The following SRPK2 variants were observed in gnomAD, a reference collection of about 807,000 sequenced individuals.
SRPK2 encodes the protein SFRS protein kinase 2.
A neutral mutation model predicts 90.8 loss-of-function variants in SRPK2; 21 were observed. The observed-to-expected ratio is 0.23, with a 90% CI of 0.16 to 0.33. SRPK2 has a LOEUF of 0.33. Ranked by LOEUF, SRPK2 falls within the 10% of genes least tolerant of loss-of-function variation. The probability of loss-of-function intolerance (pLI) is 1.00; values close to 1 mark genes in which losing one functional copy is unlikely to be tolerated. For synonymous variants in SRPK2, 288 were observed against 311.1 expected (o/e 0.93, Z 0.78); for missense variants, 620 against 869.0 (o/e 0.71, Z 3.60).
chr7:105,161,612 C>T (rs1807672662), intron 6 of SRPK2, among the ~76,000 whole-genome samples: 3 of 152,150 alleles, frequency 2.0e-5, no homozygotes, highest in South Asian at 4.1e-4. Flanking sequence ...TGGAAATCAG[C>T]CTGATGAAAC....
chr7:105,338,302 C>A (rs1028611619), intron 2 of SRPK2, among the ~76,000 whole-genome samples: 2 of 152,258 alleles, frequency 1.3e-5, no homozygotes, highest in Middle Eastern at 3.4e-3. Context: ...GTAGCATGAT[C>A]TCCGCTCACT....
At chr7:105,312,486 A>T (rs1811832509) in intron 2 of SRPK2, among the ~76,000 whole-genome samples, 1 of 151,952 alleles carries the variant, frequency 6.6e-6, no homozygotes, top group African/African-American at 2.4e-5. Flanking sequence ...TGAAAACATT[A>T]TACTATGTAA....
chr7:105,329,683 A>G (rs1311898163), intron 2 of SRPK2, among the ~76,000 whole-genome samples: 2 of 152,148 alleles, frequency 1.3e-5, no homozygotes, highest in African/African-American at 4.8e-5. Context: ...CACCCAATTC[A>G]GCATTTTTCC....
At chr7:105,126,132 C>T in intron 15 of SRPK2, 116 bp downstream of exon 15, 1 of 884,126 alleles carries the variant, frequency 1.1e-6, no homozygotes, top group East Asian at 2.5e-5. Context: ...AGGAATTCTG[C>T]TGGGTTGCGT....
At chr7:105,121,252 C>T (rs1348730145) in intron 15 of SRPK2, among the ~76,000 whole-genome samples, 1 of 150,942 alleles carries the variant, frequency 6.6e-6, no homozygotes, top group African/African-American at 2.4e-5. Context: ...GGCTGAGGCA[C>T]AAAAATCGTT....
At chr7:105,168,745 A>ATGTGTGTGTGTGTGTG (rs58073613) in intron 4 of SRPK2, among the ~76,000 whole-genome samples, 5,701 of 103,992 alleles carry the variant, frequency 0.055, 368 homozygotes, top group Admixed American at 0.077. Context: ...CACGCACCAA[A>ATGTGTGTGTGTGTGTG]TGTGTGTGTG....
intron 3 of SRPK2, among the ~76,000 whole-genome samples, chr7:105,181,804 C>T (rs766911104): frequency 1.3e-5 from 2 of 150,248 alleles, no homozygotes; most frequent in Non-Finnish European, 3.0e-5. Context: ...ATAATCTATA[C>T]ACCAAATCCC....
At chr7:105,248,153 G>T (rs371933068) in intron 2 of SRPK2, among the ~76,000 whole-genome samples, 1 of 151,924 alleles carries the variant, frequency 6.6e-6, no homozygotes, top group Non-Finnish European at 1.5e-5. Context: ...GCGCCCAGTC[G>T]GCCTTAACAA....
intron 2 of SRPK2, among the ~76,000 whole-genome samples, chr7:105,298,307 T>C (rs944104305): frequency 1.3e-5 from 2 of 152,194 alleles, no homozygotes; most frequent in Non-Finnish European, 2.9e-5. Context: ...CATGTATTAG[T>C]AGTAGTATAT....
At chr7:105,277,689 T>C (rs1391739511) in intron 2 of SRPK2, among the ~76,000 whole-genome samples, 1 of 152,190 alleles carries the variant, frequency 6.6e-6, no homozygotes, top group East Asian at 1.9e-4. Context: ...GCAGAAATTC[T>C]GCAAAACATA....
At chr7:105,225,409 T>G (rs1294187287) in intron 2 of SRPK2, among the ~76,000 whole-genome samples, 1 of 152,214 alleles carries the variant, frequency 6.6e-6, no homozygotes, top group Non-Finnish European at 1.5e-5. Context: ...TAACTTCCTA[T>G]TTATGACTCA....
intron 2 of SRPK2, among the ~76,000 whole-genome samples, chr7:105,337,669 T>C (rs1360873755): frequency 2.0e-5 from 3 of 152,138 alleles, no homozygotes; most frequent in Non-Finnish European, 4.4e-5. Flanking sequence ...CTAACTCTCC[T>C]AAGCGCGATG....
chr7:105,268,684 A>G (rs1398884305), intron 2 of SRPK2: 2 of 1,141,540 alleles, frequency 1.8e-6, no homozygotes, highest in African/African-American at 3.0e-5. Context: ...TCAATACAGC[A>G]CAATACCAGC....
intron 2 of SRPK2, among the ~76,000 whole-genome samples, chr7:105,274,597 G>T (rs749767259): frequency 1.3e-5 from 2 of 149,890 alleles, no homozygotes; most frequent in Non-Finnish European, 1.5e-5. Flanking sequence ...TGAATAGGGA[G>T]ACCACAGAGA....
intron 2 of SRPK2, among the ~76,000 whole-genome samples, chr7:105,309,406 T>C (rs1192879419): frequency 6.6e-6 from 1 of 152,226 alleles, no homozygotes; most frequent in Non-Finnish European, 1.5e-5. Context: ...AGGATAGTTA[T>C]TCAGCTAAAG....
chr7:105,130,815 A>C (rs1801895288), intron 13 of SRPK2, among the ~76,000 whole-genome samples: 1 of 151,904 alleles, frequency 6.6e-6, no homozygotes, highest in Admixed American at 6.6e-5. Context: ...AAAAAAAAAA[A>C]ACCTCCCTTA....
intron 2 of SRPK2, among the ~76,000 whole-genome samples, chr7:105,252,435 TAAC>T (rs2129631655): frequency 6.6e-6 from 1 of 152,272 alleles, no homozygotes; most frequent in South Asian, 2.1e-4. Flanking sequence ...AAGGTTAAAA[TAAC>T]AGTTCACTGG....
At chr7:105,362,058 T>C (rs565254448) in intron 2 of SRPK2, among the ~76,000 whole-genome samples, 16 of 151,676 alleles carry the variant, frequency 1.1e-4, no homozygotes, top group African/African-American at 3.4e-4. Flanking sequence ...TGGGAGAAAA[T>C]TTTTACAATC....
intron 2 of SRPK2, among the ~76,000 whole-genome samples, chr7:105,322,436 G>A (rs1264456592): frequency 6.6e-6 from 1 of 152,014 alleles, no homozygotes; most frequent in African/African-American, 2.4e-5. Context: ...CTGCAATATG[G>A]ATGAACCTCA....
Sources: gnomAD v4.1 joint callset for allele counts (sites outside exome capture counted in the v4.1 genomes callset) on GRCh38, gnomAD v4.1.1 for gene constraint, MANE v1.5 for transcripts, NCBI Gene and HGNC (gene_info 2026-07-23, HGNC 2026-07-21) for gene names.